The following CSRNP3 variants were observed in gnomAD, a reference collection of about 807,000 sequenced individuals.
CSRNP3 encodes the protein cysteine/serine-rich nuclear protein 3.
In CSRNP3, 12 loss-of-function variants were observed where a neutral mutation model predicts 48.0. That is an observed-to-expected ratio of 0.25 (90% CI 0.16 to 0.41). The LOEUF (loss-of-function observed/expected upper bound fraction) is 0.41, where lower values mean the gene tolerates loss of function less well. Among genes scored for constraint, CSRNP3 ranks in the 10% least tolerant of loss-of-function variants. The pLI, the probability that CSRNP3 is intolerant of heterozygous loss-of-function variation, is 1.00. For synonymous variants in CSRNP3, 263 were observed against 269.7 expected (o/e 0.98, Z 0.24); for missense variants, 580 against 724.4 (o/e 0.80, Z 2.29).
intron 4 of CSRNP3, among the ~76,000 whole-genome samples, chr2:165,652,260 C>G (rs112338627): frequency 0.025 from 3,785 of 151,858 alleles, 141 homozygotes; most frequent in African/African-American, 0.084. Flanking sequence ...GCCTGTAATC[C>G]CAGCATTTTG....
chr2:165,538,007 G>T (rs1684903514), intron 3 of CSRNP3, among the ~76,000 whole-genome samples: 1 of 151,802 alleles, frequency 6.6e-6, no homozygotes, highest in African/African-American at 2.4e-5. Flanking sequence ...GATGAGAAAA[G>T]TAAAACTAGA....
chr2:165,626,186 TCACTC>T lies in CSRNP3; in HGVS notation c.148+30976_148+30980del, dbSNP rs550741773. Among the ~76,000 whole-genome samples, 8 of 150,784 alleles carry T rather than the reference TCACTC, an allele frequency of 5.3e-5. No individual in the cohort carries two copies. In the South Asian group the frequency reaches 1.7e-3, roughly 32 times the overall value. The stretch of plus-strand genomic sequence containing the variant: ...TGCAGTGAGCCGAGATCATGCCACT[TCACTC>T]CAACCTGGGCAAAAGAGTGAAACTC... On this transcript the variant is annotated intron_variant, in intron 4 of 6. Coordinates refer to ENST00000651982, the MANE Select transcript of CSRNP3 (RefSeq NM_001172173.2).
chr2:165,656,611 A>T (rs1041634847), intron 4 of CSRNP3, among the ~76,000 whole-genome samples: 1 of 152,226 alleles, frequency 6.6e-6, no homozygotes, highest in African/African-American at 2.4e-5. Context: ...GTCCCAATGT[A>T]TACTTGCATT....
chr2:165,497,284 G>A (rs1684297192), intron 2 of CSRNP3, among the ~76,000 whole-genome samples: 1 of 151,970 alleles, frequency 6.6e-6, no homozygotes. Flanking sequence ...TAGTGCTGTT[G>A]ATGTACTTTT....
intron 1 of CSRNP3, among the ~76,000 whole-genome samples, chr2:165,494,481 T>G (rs1354016292): frequency 6.6e-6 from 1 of 152,094 alleles, no homozygotes; most frequent in Non-Finnish European, 1.5e-5. Context: ...TTTTGACATT[T>G]CAAAACAGTT....
chr2:165,480,717 G>A (rs903742085), intron 1 of CSRNP3, among the ~76,000 whole-genome samples: 7 of 148,322 alleles, frequency 4.7e-5, no homozygotes, highest in East Asian at 2.0e-4. Context: ...GGAATTCATC[G>A]TTAAAGGTAT....
intron 3 of CSRNP3, among the ~76,000 whole-genome samples, chr2:165,531,542 G>C (rs1195304001): frequency 6.6e-6 from 1 of 152,150 alleles, no homozygotes; most frequent in African/African-American, 2.4e-5. Flanking sequence ...TGCTGAGAAT[G>C]ATGGTTTCCA....
At chr2:165,611,220 G>T (rs1465355822) in intron 4 of CSRNP3, among the ~76,000 whole-genome samples, 1 of 152,054 alleles carries the variant, frequency 6.6e-6, no homozygotes, top group Non-Finnish European at 1.5e-5. Context: ...AGTAAGCAAG[G>T]GGAAGTATTG....
chr2:165,527,443 G>T (rs1422858424), intron 3 of CSRNP3, among the ~76,000 whole-genome samples: 1 of 151,852 alleles, frequency 6.6e-6, no homozygotes, highest in Non-Finnish European at 1.5e-5. Context: ...CTGACCTCGT[G>T]ATCCGTCCTG....
chr2:165,528,998 G>A (rs1322543040), intron 3 of CSRNP3, among the ~76,000 whole-genome samples: 3 of 152,198 alleles, frequency 2.0e-5, no homozygotes, highest in Admixed American at 2.0e-4. Flanking sequence ...TGCCCTCCTG[G>A]GTGCAGTTGC....
At chr2:165,560,666 G>A (rs1685222977) in intron 3 of CSRNP3, among the ~76,000 whole-genome samples, 1 of 152,162 alleles carries the variant, frequency 6.6e-6, no homozygotes. Flanking sequence ...AATGGAGTTT[G>A]AGTTATTCAA....
chr2:165,669,683 T>A (rs900658944), intron 5 of CSRNP3, among the ~76,000 whole-genome samples: 1 of 152,158 alleles, frequency 6.6e-6, no homozygotes, highest in Admixed American at 6.5e-5. Context: ...TTGGTTTCCA[T>A]CTGTCAAAAA....
chr2:165,592,032 G>A (rs572484685), intron 3 of CSRNP3, among the ~76,000 whole-genome samples: 29 of 152,308 alleles, frequency 1.9e-4, no homozygotes, highest in Non-Finnish European at 2.9e-4. Flanking sequence ...ATGTCAGCCC[G>A]TAAAAGCAGC....
chr2:165,586,320 G>T (rs924146480), intron 3 of CSRNP3, among the ~76,000 whole-genome samples: 1 of 152,138 alleles, frequency 6.6e-6, no homozygotes, highest in African/African-American at 2.4e-5. Flanking sequence ...TTTCATGTAC[G>T]TGGTTCTAAT....
chr2:165,664,881 A>G (rs73972131), intron 5 of CSRNP3, among the ~76,000 whole-genome samples: 2,691 of 152,298 alleles, frequency 0.018, 63 homozygotes, highest in African/African-American at 0.05. Context: ...TAAACAAAAA[A>G]CAAGCAAACA....
At chr2:165,576,891 G>A (rs1685459723) in intron 3 of CSRNP3, among the ~76,000 whole-genome samples, 1 of 151,950 alleles carries the variant, frequency 6.6e-6, no homozygotes, top group Admixed American at 6.6e-5. Context: ...AGACTTCAAA[G>A]GAATCTTTGA....
rs1558976130 is a variant in CSRNP3, at chr2:165,685,190, C to G, written c.*5437C>G. 1 of 152,008 alleles carries G rather than the reference C, an allele frequency of 6.6e-6. No individual in the cohort carries two copies. The highest frequency in any genetic ancestry group is 1.5e-5 in the Non-Finnish European group (1 of 67,974). 9.4% of individuals were successfully genotyped at this position (152,008 alleles called of 1,614,324 possible). On this transcript the variant is annotated 3_prime_UTR_variant, in exon 7 of 7. Transcript: ENST00000651982. ...AGCTCTTCTTTCACATTTTACCTAC[C>G]AAATCTAGATATTCAACGTGAGTCC...
intron 1 of CSRNP3, among the ~76,000 whole-genome samples, chr2:165,478,063 CGAAA>C (rs1683992132): frequency 6.6e-6 from 1 of 151,520 alleles, no homozygotes; most frequent in Non-Finnish European, 1.5e-5. Context: ...AGGAAAGAAA[CGAAA>C]GAAAGGTTAA....
At chr2:165,556,427 AT>A (rs1033347223) in intron 3 of CSRNP3, among the ~76,000 whole-genome samples, 1 of 152,200 alleles carries the variant, frequency 6.6e-6, no homozygotes, top group African/African-American at 2.4e-5. Context: ...CTACAAAAAA[AT>A]AAAAGTCAAA....
Sources: allele counts gnomAD v4.1 joint callset (sites outside exome capture counted in the v4.1 genomes callset), GRCh38; gene constraint gnomAD v4.1.1; transcripts MANE v1.5; gene names NCBI Gene and HGNC (gene_info 2026-07-23, HGNC 2026-07-21).